The following SRL variants were observed in gnomAD, a reference collection of about 807,000 sequenced individuals.
SRL encodes sarcalumenin.
A neutral mutation model predicts 39.5 loss-of-function variants in SRL; 23 were observed. The observed-to-expected ratio is 0.58, with a 90% confidence interval of 0.42 to 0.82. The LOEUF (loss-of-function observed/expected upper bound fraction) is 0.82, where lower values mean the gene tolerates loss of function less well. Among genes scored for constraint, SRL ranks in the 40% least tolerant of loss-of-function variants. The pLI is 0.00. For missense variants in SRL, 592 were observed against 607.8 expected (o/e 0.97, Z 0.27); for synonymous variants, 272 against 237.4 (o/e 1.15, Z -1.34).
Position 4,192,677 on chromosome 16 carries a change from G to C in SRL, c.898C>G (p.Pro300Ala), listed in dbSNP as rs1356318384. The C allele has an allele frequency of 1.2e-6, 2 of 1,614,096 alleles. No individual in the cohort carries two copies. The highest frequency in any genetic ancestry group is 4.5e-5 in the East Asian group (2 of 44,884). The part of the protein sequence containing the change: ...VSSFWPQEYK[P>A]DTHQELFLQE... ...AGGAACAGTTCCTGATGGGTGTCCG[G>C]CTTATACTCTTGTGGCCAGAAGGAG... is the stretch of plus-strand genomic sequence containing the variant. Residue 300 changes from proline to alanine, a missense_variant, in exon 6 of 6, where the codon CCG (proline) becomes GCG (alanine). Physicochemically the swap from Pro to Ala is conservative, Grantham distance 27. Coordinates refer to ENST00000399609, the MANE Select transcript of SRL (RefSeq NM_001098814.2). The surrounding 1 kb of genome is among the most constrained non-coding windows in gnomAD (Gnocchi z 4.0).
intron 1 of SRL, among the ~76,000 whole-genome samples, chr16:4,220,278 A>AACACACACACACACACACACACACAC (rs71394664): frequency 1.2e-4 from 17 of 140,800 alleles, no homozygotes; most frequent in African/African-American, 4.6e-4. Flanking sequence ...TCTCTACTAA[A>AACACACACACACACACACACACACAC]ACACACACAC....
chr16:4,217,025 G>A (rs80266945), intron 1 of SRL, among the ~76,000 whole-genome samples: 24,382 of 152,154 alleles, frequency 0.16, 2,281 homozygotes, highest in Middle Eastern at 0.29. Context: ...GGCAGGTGAA[G>A]GGGTCAAGGA....
At chr16:4,235,195 C>T (rs2052702428) in intron 1 of SRL, among the ~76,000 whole-genome samples, 1 of 152,122 alleles carries the variant, frequency 6.6e-6, no homozygotes, top group African/African-American at 2.4e-5. Flanking sequence ...CAGGTGAGGC[C>T]AGGGGCGAGG....
chr16:4,202,247 A>G (rs1478546827), intron 3 of SRL, among the ~76,000 whole-genome samples: 1 of 152,246 alleles, frequency 6.6e-6, no homozygotes, highest in Non-Finnish European at 1.5e-5. Flanking sequence ...TGAAGAGGAA[A>G]TGCTTGGAAG....
In SRL at chr16:4,199,764, T is replaced by C. The variant is rs962998476; in HGVS notation, c.260-1849A>G. Among the ~76,000 whole-genome samples the C allele has an allele frequency of 2.2e-5, 3 of 138,906 alleles. No individual in the cohort carries two copies. In the Admixed American group the frequency reaches 2.3e-4, roughly 11 times the overall value. 91.1% of individuals were successfully genotyped at this position (138,906 alleles called of 152,430 possible). On this transcript the variant is annotated intron_variant, in intron 3 of 5. Transcript: ENST00000399609. ...CAGGCTAGAGTGCAGTGGCACAATC[T>C]CAGCTCACTGCAGCCTCTGCCTCCT...
chr16:4,202,117 C>T (rs972342086), intron 3 of SRL, among the ~76,000 whole-genome samples: 7 of 152,254 alleles, frequency 4.6e-5, no homozygotes, highest in Non-Finnish European at 8.8e-5. Context: ...GGCGTGGTCA[C>T]GCAGGGGAGG....
intron 1 of SRL, among the ~76,000 whole-genome samples, chr16:4,222,530 T>TC (rs1298533481): frequency 6.6e-6 from 1 of 152,142 alleles, no homozygotes; most frequent in African/African-American, 2.4e-5. Flanking sequence ...CGCCTCGGCC[T>TC]CCCAAAGTGC....
chr16:4,217,753 AT>A (rs1420485978), intron 1 of SRL, among the ~76,000 whole-genome samples: 1 of 152,258 alleles, frequency 6.6e-6, no homozygotes, highest in African/African-American at 2.4e-5. Flanking sequence ...AGCTATGAGC[AT>A]CATTCTTTCC....
chr16:4,209,469 A>G (rs2052365645), intron 1 of SRL, among the ~76,000 whole-genome samples: 1 of 151,732 alleles, frequency 6.6e-6, no homozygotes, highest in African/African-American at 2.4e-5. Context: ...AGAGTACCCC[A>G]CCTATCTGCT....
chr16:4,228,838 A>G lies in SRL; in HGVS notation c.61+13169T>C, dbSNP rs1052890496. Among the ~76,000 whole-genome samples, 11 of 152,332 alleles carry G rather than the reference A, an allele frequency of 7.2e-5. 1 individual carries two copies. The highest frequency in any genetic ancestry group is 5.9e-5 in the Non-Finnish European group (4 of 68,030). ...AGTCTCCTCACTCTTGTTCCCCTCC[A>G]GAACTGGACTGAGCCACAGCCACAA... On this transcript the variant is annotated intron_variant, in intron 1 of 5. Coordinates refer to ENST00000399609, the MANE Select transcript of SRL (RefSeq NM_001098814.2).
At position 4,192,239 on chromosome 16, in the gene SRL, G is replaced by A; in HGVS notation, c.1336C>T (p.Leu446Phe). The A allele has an allele frequency of 1.2e-6, 2 of 1,612,350 alleles. No homozygotes were observed. The highest frequency in any genetic ancestry group is 1.7e-6 in the Non-Finnish European group (2 of 1,179,336). ...GCACCTGGATTCTTCCCGAGCCCGA[G>A]GCTACCCAGGAGGCCCGGAAGCTCC... ...TQELPGLLGS[L>F]GLGKNPGALN... The change falls in exon 6 of 6, where the codon CTC becomes TTC. Residue 446 changes from leucine (L) to phenylalanine (F), a missense_variant. Transcript: ENST00000399609. This position sits in a 1 kb window ranked among gnomAD's most constrained non-coding sequence, Gnocchi z 4.0.
chr16:4,225,939 C>A lies in SRL; in HGVS notation c.61+16068G>T, dbSNP rs144641364. Among the ~76,000 whole-genome samples, 205 of 152,200 alleles carry A rather than the reference C, an allele frequency of 1.3e-3. 2 individuals carry two copies. The highest frequency in any genetic ancestry group is 4.3e-3 in the African/African-American group (179 of 41,528). ...ACCCCATCTCTCCCATGTGCCCCCT[C>A]GTCCACTGTGTCCAGCCACTCTGGA... On this transcript the variant is annotated intron_variant, in intron 1 of 5. Transcript: ENST00000399609.
chr16:4,199,295 C>T (rs2052189048), intron 3 of SRL, among the ~76,000 whole-genome samples: 1 of 150,980 alleles, frequency 6.6e-6, no homozygotes, highest in South Asian at 2.1e-4. Flanking sequence ...CCACTGCTGA[C>T]TTCTTACATG....
intron 1 of SRL, among the ~76,000 whole-genome samples, chr16:4,233,381 C>T (rs1182448276): frequency 6.6e-6 from 1 of 152,192 alleles, no homozygotes; most frequent in Non-Finnish European, 1.5e-5. Flanking sequence ...AAGCGTCATG[C>T]TACACTGTTC....
chr16:4,236,965 A>G (rs1300516862), intron 1 of SRL, among the ~76,000 whole-genome samples: 1 of 142,264 alleles, frequency 7.0e-6, no homozygotes, highest in Non-Finnish European at 1.5e-5. Flanking sequence ...TTTTTGAGAC[A>G]AGGTCTCACT....
chr16:4,200,281 C>T (rs1444068768), intron 3 of SRL, among the ~76,000 whole-genome samples: 2 of 152,174 alleles, frequency 1.3e-5, no homozygotes, highest in Non-Finnish European at 2.9e-5. Context: ...CAGTTACAGC[C>T]ACAGAGATGT....
At chr16:4,203,396 C>A (rs995307962) in intron 2 of SRL, 135 bp from the exon 3 acceptor site, 3 of 669,882 alleles carry the variant, frequency 4.5e-6, no homozygotes, top group Non-Finnish European at 7.9e-6. Flanking sequence ...TGCAGCCCAG[C>A]GACTGTGCAA....
At chr16:4,222,362 C>A (rs2052540363) in intron 1 of SRL, among the ~76,000 whole-genome samples, 1 of 152,232 alleles carries the variant, frequency 6.6e-6, no homozygotes, top group Non-Finnish European at 1.5e-5. Context: ...GCAACCTCCA[C>A]CTCCTGGGTT....
chr16:4,201,116 A>ATTTT (rs3081044), intron 3 of SRL, among the ~76,000 whole-genome samples: 23 of 146,624 alleles, frequency 1.6e-4, no homozygotes, highest in Non-Finnish European at 1.6e-4. Context: ...CAGGGTTCCA[A>ATTTT]TTTTTTTTTT....
Sources: gnomAD v4.1 joint callset for allele counts (sites outside exome capture counted in the v4.1 genomes callset) on GRCh38, gnomAD v4.1.1 for gene constraint, Gnocchi (gnomAD v3.1) non-coding constraint, MANE v1.5 for transcripts, NCBI Gene and HGNC (gene_info 2026-07-23, HGNC 2026-07-21) for gene names.